The following ANKAR variants were observed in gnomAD, a reference collection of about 807,000 sequenced individuals.
The protein encoded by ANKAR is ankyrin and armadillo repeat-containing protein.
ANKAR carries 136 observed loss-of-function variants against 146.2 expected under a neutral mutation model. That is an observed-to-expected ratio of 0.93 (90% confidence interval 0.81 to 1.07). ANKAR has a LOEUF of 1.07. ANKAR is among the 50% of genes least tolerant of loss of function. The pLI is 0.00. For synonymous variants in ANKAR, 500 were observed against 575.8 expected, an observed-to-expected ratio of 0.87 and a Z score of 1.88; for missense variants, 1,567 against 1,679.9, an observed-to-expected ratio of 0.93 and a Z score of 1.18.
In ANKAR at chr2:189,720,695, G is replaced by A. The variant is rs749140717; in HGVS notation, c.2543G>A (p.Arg848Gln). Residue 848 changes from arginine (R) to glutamine (Q), a missense_variant, in exon 12 of 23, where the codon CGG (arginine) becomes CAG (glutamine). Coordinates refer to ENST00000684021, the MANE Select transcript of ANKAR (RefSeq NM_001378068.1). ...NVLVNVMNCI[R>Q]VLCIGNENNQ... The stretch of plus-strand genomic sequence containing the variant: ...CTAGTAAATGTAATGAACTGTATAC[G>A]GGTATTGTGTATAGGAAATGAAAAC... The A allele has an allele frequency of 1.3e-5, 19 of 1,505,282 alleles. No individual in the cohort carries two copies. Among genetic ancestry groups the A allele is most frequent in the East Asian group, 1.0e-4 (4 of 39,078 alleles). 93.2% of individuals were successfully genotyped at this position (1,505,282 alleles called of 1,614,324 possible).
At chr2:189,722,710 G>A (rs1191800088) in intron 12 of ANKAR, among the ~76,000 whole-genome samples, 1 of 152,014 alleles carries the variant, frequency 6.6e-6, no homozygotes, top group South Asian at 2.1e-4. Flanking sequence ...GTGAAAACCT[G>A]TCTCTACTAA....
intron 10 of ANKAR, among the ~76,000 whole-genome samples, chr2:189,715,720 C>T (rs1221522351): frequency 6.6e-6 from 1 of 152,172 alleles, no homozygotes; most frequent in Non-Finnish European, 1.5e-5. Flanking sequence ...TCCAGCAGCA[C>T]ATTAAAAATC....
At chr2:189,752,559 A>G (rs2045436603) in intron 18 of ANKAR, 2 of 1,171,850 alleles carry the variant, frequency 1.7e-6, no homozygotes, top group Admixed American at 3.9e-5. Context: ...AAGTACCACC[A>G]GAATGTCAAT....
intron 18 of ANKAR, among the ~76,000 whole-genome samples, chr2:189,759,352 C>A (rs2046620905): frequency 6.6e-6 from 1 of 152,080 alleles, no homozygotes; most frequent in Non-Finnish European, 1.5e-5. Flanking sequence ...GGGTTCACGC[C>A]ATTCTCCTGC....
At chr2:189,730,279 A>G (rs952268299) in intron 15 of ANKAR, among the ~76,000 whole-genome samples, 14 of 152,176 alleles carry the variant, frequency 9.2e-5, no homozygotes, top group African/African-American at 2.7e-4. Flanking sequence ...TTAGGAAGCC[A>G]CTCACAATTC....
chr2:189,761,674 A>G, downstream of ANKAR: 1 of 1,493,724 alleles, frequency 6.7e-7, no homozygotes. Flanking sequence ...AAAAAGAATT[A>G]CAGAAACAAC....
In ANKAR at chr2:189,738,639, T is replaced by C. The variant is rs1315926722; in HGVS notation, c.3657T>C (p.Val1219=). 6.2e-7 allele frequency: 1 copy of C among 1,612,350 alleles called. No homozygotes were observed. The highest frequency in any genetic ancestry group is 2.2e-5 in the East Asian group (1 of 44,766). The change falls in exon 19 of 23, where the codon GTT becomes GTC. Residue 1219 remains valine (V), a synonymous_variant. Coordinates refer to ENST00000684021, the MANE Select transcript of ANKAR (RefSeq NM_001378068.1). The stretch of plus-strand genomic sequence containing the variant: ...CTGCAAGAGGTGTTACTATTTTAGT[T>C]GATAGTCTGTATTCAGTTCAGACTT... ...TLSARGVTIL[V]DSLYSVQTST... is the part of the protein sequence containing the mutation.
In ANKAR at chr2:189,720,814, A is replaced by G. The variant is rs1482958554; in HGVS notation, c.2635+27A>G. 2.1e-6 allele frequency: 3 copies of G among 1,428,240 alleles called. No homozygotes were observed. The South Asian group carries it at 5.3e-5, about 25-fold the overall frequency. 88.5% of individuals were successfully genotyped at this position (1,428,240 alleles called of 1,614,324 possible). A position where few individuals can be genotyped will look rare whatever the true frequency, so the allele number is the denominator to read the frequency against. ...TGAGCTTCTATCTCTGTATTATTTT[A>G]TAATGACCAGATATATTAAGTGAAG... On this transcript the variant is annotated intron_variant, in intron 12 of 22. Transcript: ENST00000684021.
At chr2:189,758,275 G>C (rs1210282087) in intron 18 of ANKAR, among the ~76,000 whole-genome samples, 3 of 151,884 alleles carry the variant, frequency 2.0e-5, no homozygotes, top group African/African-American at 7.3e-5. Flanking sequence ...CAGCTATTCT[G>C]AAGGCTGAGG....
intron 10 of ANKAR, among the ~76,000 whole-genome samples, chr2:189,713,297 A>G (rs2039962431): frequency 6.6e-6 from 1 of 152,160 alleles, no homozygotes; most frequent in African/African-American, 2.4e-5. Flanking sequence ...GAGAAGAGCA[A>G]CCCCAAGACA....
At chr2:189,711,794 G>A (rs867434321) in intron 10 of ANKAR, among the ~76,000 whole-genome samples, 25 of 152,322 alleles carry the variant, frequency 1.6e-4, no homozygotes, top group African/African-American at 4.8e-4. Flanking sequence ...GCAGGGCATC[G>A]CCTCACCTGG....
At chr2:189,690,603 C>T (rs919133728) in intron 3 of ANKAR, among the ~76,000 whole-genome samples, 2 of 152,138 alleles carry the variant, frequency 1.3e-5, no homozygotes, top group African/African-American at 4.8e-5. Context: ...AGCATGTAGG[C>T]TTATTATAAT....
chr2:189,731,262 AT>A (rs1375589170), intron 16 of ANKAR, among the ~76,000 whole-genome samples: 1 of 152,214 alleles, frequency 6.6e-6, no homozygotes, highest in African/African-American at 2.4e-5. Flanking sequence ...AAATTATAAC[AT>A]CAAAAAAAAT....
At position 189,676,846 on chromosome 2, in the gene ANKAR, C is replaced by A. The variant is rs1297583069; in HGVS notation, c.356C>A (p.Ser119Tyr). The A allele has an allele frequency of 6.2e-7, 1 of 1,614,070 alleles. No homozygotes were observed. The highest frequency in any genetic ancestry group is 2.2e-5 in the East Asian group (1 of 44,894). ...ATTTATTGCCTAAATCAAATCCCTT[C>A]CATCAGTTTAGAAGCTAATTATGAT... Reference protein sequence around the residue: ...IGIYCLNQIPSISLEANYDQS... With the variant: ...IGIYCLNQIPYISLEANYDQS... Residue 119 changes from serine (S) to tyrosine (Y), a missense_variant, in exon 2 of 23, where the codon TCC becomes TAC. By Grantham distance (144) the Ser-to-Tyr change is moderately radical. Transcript: ENST00000684021.
intron 14 of ANKAR, 34 bp downstream of exon 14, chr2:189,728,454 T>C: frequency 6.4e-7 from 1 of 1,564,198 alleles, no homozygotes; most frequent in Non-Finnish European, 8.6e-7. Flanking sequence ...TTTTATTTTT[T>C]AGAGACAGGA....
rs370870146 is a variant in ANKAR, at chr2:189,728,002, G to A, written c.2782G>A (p.Ala928Thr). 1.1e-5 allele frequency: 17 copies of A among 1,613,944 alleles called. No homozygotes were observed. The highest frequency in any genetic ancestry group is 1.4e-5 in the Non-Finnish European group (17 of 1,179,954). The change falls in exon 13 of 23, where the codon GCA becomes ACA. Residue 928 changes from alanine (A) to threonine (T), a missense_variant. Physicochemically the swap from Ala to Thr is moderately conservative, Grantham distance 58 (BLOSUM62 0). Coordinates refer to ENST00000684021, the MANE Select transcript of ANKAR (RefSeq NM_001378068.1). Reference sequence around the variant, plus strand: ...ACAAATTAGTGTCCAAATGAAAGGTGCAATGGCTGTGGAATCACTGGCAAG... The same window carrying A: ...ACAAATTAGTGTCCAAATGAAAGGTACAATGGCTGTGGAATCACTGGCAAG... ...GKQISVQMKG[A>T]MAVESLASHN... is the part of the protein sequence containing the mutation.
intron 10 of ANKAR, among the ~76,000 whole-genome samples, chr2:189,716,186 A>G (rs2105753729): frequency 6.6e-6 from 1 of 152,324 alleles, no homozygotes; most frequent in African/African-American, 2.4e-5. Context: ...ATATTTAGAA[A>G]ACCCCACTGT....
intron 20 of ANKAR, among the ~76,000 whole-genome samples, chr2:189,742,023 G>C (rs989270272): frequency 3.3e-5 from 5 of 152,178 alleles, no homozygotes; most frequent in Non-Finnish European, 5.9e-5. Context: ...GTCAAGCAGG[G>C]TTAGATGTAA....
chr2:189,738,473 A>G, intron 18 of ANKAR, 92 bp from the exon 19 acceptor site: 3 of 682,476 alleles, frequency 4.4e-6, no homozygotes. Context: ...TATCAAAAGA[A>G]TTAAAAAAAA....
Sources: allele counts gnomAD v4.1 joint callset (sites outside exome capture counted in the v4.1 genomes callset), GRCh38; gene constraint gnomAD v4.1.1; transcripts MANE v1.5; gene names NCBI Gene and HGNC (gene_info 2026-07-23, HGNC 2026-07-21).